The following VPS13A variants were observed in gnomAD, a reference collection of about 807,000 sequenced individuals.
VPS13A encodes the protein vacuolar protein sorting 13 homolog A.
In VPS13A, 264 loss-of-function variants were observed where a neutral mutation model predicts 390.9. That is an observed-to-expected ratio of 0.68 (90% CI 0.61 to 0.75). VPS13A has a LOEUF of 0.75. Among genes scored for constraint, VPS13A ranks in the 30% least tolerant of loss-of-function variants. VPS13A has a pLI of 0.00. For synonymous variants in VPS13A, 1,231 were observed against 1,227.1 expected, an observed-to-expected ratio of 1.00 and a Z score of -0.07; for missense variants, 3,409 against 3,733.9, an observed-to-expected ratio of 0.91 and a Z score of 2.27.
At chr9:77,300,904 A>T (rs1250676167) in intron 33 of VPS13A, among the ~76,000 whole-genome samples, 1 of 152,264 alleles carries the variant, frequency 6.6e-6, no homozygotes, top group Non-Finnish European at 1.5e-5. Context: ...CTAAGTACTG[A>T]CAAAAAGCAA....
chr9:77,269,511 T>A (rs911766978), intron 23 of VPS13A, among the ~76,000 whole-genome samples: 2 of 152,234 alleles, frequency 1.3e-5, no homozygotes, highest in African/African-American at 2.4e-5. Flanking sequence ...CCAAAATGTT[T>A]TCGACTGATT....
intron 41 of VPS13A, among the ~76,000 whole-genome samples, 195 bp downstream of exon 41, chr9:77,318,786 T>C (rs973780048): frequency 2.6e-5 from 4 of 152,206 alleles, no homozygotes; most frequent in African/African-American, 9.6e-5. Context: ...TATACATTCC[T>C]TTTACTTTTA....
chr9:77,415,307 C>G (rs73451888), intron 71 of VPS13A, among the ~76,000 whole-genome samples: 1 of 152,268 alleles, frequency 6.6e-6, no homozygotes, highest in Non-Finnish European at 1.5e-5. Flanking sequence ...ATTCAGTTAT[C>G]TTTGTCTCCC....
chr9:77,265,023 C>T (rs534529494), intron 23 of VPS13A, among the ~76,000 whole-genome samples: 6 of 152,266 alleles, frequency 3.9e-5, no homozygotes, highest in Admixed American at 1.3e-4. Context: ...TGAATTTTAT[C>T]GAAGGCCTTT....
chr9:77,228,397 G>GT lies in VPS13A; in HGVS notation c.1595+143dup, dbSNP rs142884554. On this transcript the variant is annotated intron_variant, in intron 17 of 71. Transcript: ENST00000360280. The stretch of plus-strand genomic sequence containing the variant: ...ATCCTTTTGTGGTTTCAGGAAAAAG[G>GT]TTTTTTTTTTAATTGTTAAGATAAT... 12,120 of 747,148 alleles carry GT rather than the reference G, an allele frequency of 0.016. 39 individuals carry two copies. Among genetic ancestry groups the GT allele is most frequent in the African/African-American group, 0.046 (2,495 of 54,054 alleles). The allele number at this position is 747,148 out of a possible 1,614,324, so 46.3% of individuals were successfully genotyped here.
intron 52 of VPS13A, among the ~76,000 whole-genome samples, chr9:77,349,734 C>T (rs1320702364): frequency 6.6e-6 from 1 of 152,090 alleles, no homozygotes; most frequent in African/African-American, 2.4e-5. Flanking sequence ...ACCTCTGCCT[C>T]CCAGGTTCAA....
chr9:77,202,918 C>T (rs904965691), intron 3 of VPS13A, among the ~76,000 whole-genome samples: 1 of 152,092 alleles, frequency 6.6e-6, no homozygotes, highest in African/African-American at 2.4e-5. Flanking sequence ...TAGTAGACAT[C>T]GAGTTTCTTG....
chr9:77,244,476 A>G (rs991240075), intron 19 of VPS13A, among the ~76,000 whole-genome samples: 3 of 152,110 alleles, frequency 2.0e-5, no homozygotes, highest in Non-Finnish European at 2.9e-5. Flanking sequence ...TCATGGGGCA[A>G]TGTCTCACTG....
chr9:77,250,118 G>A lies in VPS13A; in HGVS notation c.2059G>A (p.Glu687Lys). ...HLKVTSKSRS[E>K]LPDVKQGEAN... ...GAAGGTGACGAGTAAAAGTCGTTCTGAATTACCAGATGTGAAACAAGGTGA... is the reference window on the plus strand; with the variant it reads ...GAAGGTGACGAGTAAAAGTCGTTCTAAATTACCAGATGTGAAACAAGGTGA... The change falls in exon 21 of 72, where the codon GAA becomes AAA. Residue 687 changes from glutamate (E) to lysine (K), a missense_variant. This residue lies in a region of VPS13A where 2,717 missense variants were observed against 2,917.4 expected (regional missense o/e 0.93). Coordinates refer to ENST00000360280, the MANE Select transcript of VPS13A (RefSeq NM_033305.3). The A allele has an allele frequency of 6.2e-7, 1 of 1,613,794 alleles. No homozygotes were observed. Among genetic ancestry groups the A allele is most frequent in the Non-Finnish European group, 8.5e-7 (1 of 1,179,900 alleles).
intron 68 of VPS13A, among the ~76,000 whole-genome samples, chr9:77,401,940 A>T (rs1834413297): frequency 1.3e-5 from 2 of 152,160 alleles, no homozygotes; most frequent in African/African-American, 2.4e-5. Flanking sequence ...AAACTTTATC[A>T]TAGGTGTGTG....
rs1013695508 is a variant in VPS13A, at chr9:77,199,797, A to C, written c.101-148A>C. The stretch of plus-strand genomic sequence containing the variant: ...TAGACTATGTAGAAGAATGAAGGTG[A>C]GATAATAAGATTATAGGCAGATTAT... On this transcript the variant is annotated intron_variant, in intron 1 of 71. Transcript: ENST00000360280. The C allele has an allele frequency of 1.7e-5, 10 of 601,870 alleles. No homozygotes were observed. In the Admixed American group the frequency reaches 3.3e-4, roughly 20 times the overall value. The allele number at this position is 601,870 out of a possible 1,614,324, so 37.3% of individuals were successfully genotyped here.
At chr9:77,241,597 G>T (rs1442603096) in intron 19 of VPS13A, among the ~76,000 whole-genome samples, 4 of 151,888 alleles carry the variant, frequency 2.6e-5, no homozygotes, top group Non-Finnish European at 5.9e-5. Flanking sequence ...GGTAACGTGT[G>T]TCTTTTTATG....
intron 1 of VPS13A, among the ~76,000 whole-genome samples, chr9:77,191,656 C>G (rs1824695463): frequency 6.6e-6 from 1 of 152,080 alleles, no homozygotes; most frequent in Admixed American, 6.5e-5. Context: ...AAAAGTCATT[C>G]AGGAGTGGTT....
chr9:77,345,714 C>A (rs1447020441), intron 52 of VPS13A, among the ~76,000 whole-genome samples: 1 of 151,890 alleles, frequency 6.6e-6, no homozygotes, highest in African/African-American at 2.4e-5. Context: ...TATTTTGTTT[C>A]CTTTCTTTCT....
intron 68 of VPS13A, chr9:77,385,111 C>T: frequency 1.0e-6 from 1 of 975,260 alleles, no homozygotes; most frequent in Non-Finnish European, 1.2e-6. Flanking sequence ...ATAGTAATAG[C>T]CATTTAATGT....
At chr9:77,225,678 C>G (rs1443614892) in intron 13 of VPS13A, among the ~76,000 whole-genome samples, 1 of 152,096 alleles carries the variant, frequency 6.6e-6, no homozygotes, top group Admixed American at 6.6e-5. Context: ...GAGTTTGGAA[C>G]TCTTTATGCA....
At position 77,337,569 on chromosome 9, in the gene VPS13A, T is replaced by G. The variant is rs575045450; in HGVS notation, c.6378+32T>G. 15 of 1,595,854 alleles carry G rather than the reference T, an allele frequency of 9.4e-6. No individual in the cohort carries two copies. In the South Asian group the frequency reaches 1.4e-4, roughly 15 times the overall value. On this transcript the variant is annotated intron_variant, in intron 47 of 71. Coordinates refer to ENST00000360280, the MANE Select transcript of VPS13A (RefSeq NM_033305.3). ...GCAAACTGATTTAGTGCCTTCCTGT[T>G]TTTGATTTTGTAGTTTCAGTTTTTT...
intron 10 of VPS13A, among the ~76,000 whole-genome samples, chr9:77,215,315 A>AC (rs1822797010): frequency 1.3e-5 from 2 of 152,092 alleles, no homozygotes; most frequent in African/African-American, 2.4e-5. Flanking sequence ...TATATTATAC[A>AC]CCTTCATGAC....
intron 31 of VPS13A, among the ~76,000 whole-genome samples, chr9:77,285,219 T>G (rs141995126): frequency 2.0e-5 from 3 of 152,196 alleles, no homozygotes; most frequent in Non-Finnish European, 4.4e-5. Context: ...TTTGCCCTTA[T>G]GAAATCAGAC....
Sources: gnomAD v4.1 joint callset for allele counts (sites outside exome capture counted in the v4.1 genomes callset) on GRCh38, gnomAD v4.1.1 for gene constraint, gnomAD v4.1.1 regional missense constraint, MANE v1.5 for transcripts, NCBI Gene and HGNC (gene_info 2026-07-23, HGNC 2026-07-21) for gene names.